Variants in ATXN1 observed in about 807,000 individuals in gnomAD.
ATXN1 encodes the protein ataxin-1.
A neutral mutation model predicts 56.4 loss-of-function variants in ATXN1; 8 were observed. The observed-to-expected ratio is 0.14, with a 90% confidence interval of 0.08 to 0.26. The LOEUF (loss-of-function observed/expected upper bound fraction) is 0.26. Ranked by LOEUF, ATXN1 falls within the 10% of genes least tolerant of loss-of-function variation. ATXN1 has a pLI of 1.00. For missense variants in ATXN1, 987 were observed against 1,106.5 expected, an observed-to-expected ratio of 0.89 and a Z score of 1.53; for synonymous variants, 514 against 494.6, an observed-to-expected ratio of 1.04 and a Z score of -0.52.
chr6:16,453,891 A>G (rs569040125), intron 6 of ATXN1, among the ~76,000 whole-genome samples: 8 of 152,288 alleles, frequency 5.3e-5, no homozygotes, highest in African/African-American at 1.9e-4. Flanking sequence ...TTGTAATCCC[A>G]GCACTTTGGG....
chr6:16,718,451 T>G (rs1759681441), intron 2 of ATXN1, among the ~76,000 whole-genome samples: 1 of 152,228 alleles, frequency 6.6e-6, no homozygotes, highest in African/African-American at 2.4e-5. Context: ...ATAATTCATT[T>G]TTCTCCTTCT....
In ATXN1 at chr6:16,489,562, G is replaced by A. The variant is rs150208444; in HGVS notation, c.-298-3453C>T. Reference sequence around the variant, plus strand: ...GCAGCTTACATCACTAGCTCTCATAGCTTCTCAAAGCCACTATTAAGGAAA... The same window carrying A: ...GCAGCTTACATCACTAGCTCTCATAACTTCTCAAAGCCACTATTAAGGAAA... On this transcript the variant is annotated intron_variant, in intron 5 of 7. Coordinates refer to ENST00000436367, the MANE Select transcript of ATXN1 (RefSeq NM_001128164.2). 2.8e-3 allele frequency among the ~76,000 whole-genome samples: 430 copies of A among 152,272 alleles called. 2 individuals carry two copies. Among genetic ancestry groups the A allele is most frequent in the African/African-American group, 9.0e-3 (375 of 41,540 alleles).
intron 6 of ATXN1, among the ~76,000 whole-genome samples, chr6:16,347,336 T>C (rs1481806748): frequency 6.6e-6 from 1 of 152,228 alleles, no homozygotes; most frequent in Non-Finnish European, 1.5e-5. Context: ...TATGTCTAGC[T>C]AAGGGATTTT....
intron 3 of ATXN1, among the ~76,000 whole-genome samples, chr6:16,611,608 A>G (rs1763107137): frequency 6.6e-6 from 1 of 152,196 alleles, no homozygotes; most frequent in South Asian, 2.1e-4. Flanking sequence ...GAAACTGCAC[A>G]TTTAGAAGTG....
At chr6:16,717,590 C>T (rs1581390645) in intron 2 of ATXN1, among the ~76,000 whole-genome samples, 1 of 152,320 alleles carries the variant, frequency 6.6e-6, no homozygotes, top group East Asian at 1.9e-4. Flanking sequence ...TGCAGCTTAA[C>T]ACAGAGAGAG....
At chr6:16,550,826 T>C (rs1453117258) in intron 4 of ATXN1, among the ~76,000 whole-genome samples, 1 of 152,226 alleles carries the variant, frequency 6.6e-6, no homozygotes, top group East Asian at 1.9e-4. Flanking sequence ...AGCAATAATA[T>C]CACCTCATGT....
chr6:16,454,503 C>T (rs1759827344), intron 6 of ATXN1, among the ~76,000 whole-genome samples: 1 of 152,124 alleles, frequency 6.6e-6, no homozygotes, highest in African/African-American at 2.4e-5. Context: ...TACCTGTAGC[C>T]CATTTGTAAC....
intron 6 of ATXN1, among the ~76,000 whole-genome samples, chr6:16,337,986 T>C (rs967284967): frequency 6.6e-6 from 1 of 152,208 alleles, no homozygotes; most frequent in African/African-American, 2.4e-5. Context: ...CACTACCCGA[T>C]GCATGAAGCA....
chr6:16,424,841 A>G (rs1759116892), intron 6 of ATXN1, among the ~76,000 whole-genome samples: 1 of 152,160 alleles, frequency 6.6e-6, no homozygotes, highest in African/African-American at 2.4e-5. Context: ...CTTCAGGAAG[A>G]CTCAGAACAG....
intron 4 of ATXN1, among the ~76,000 whole-genome samples, chr6:16,549,630 G>C (rs990062018): frequency 6.6e-6 from 1 of 152,162 alleles, no homozygotes; most frequent in Non-Finnish European, 1.5e-5. Context: ...AGGTGCAGCG[G>C]CTTACGCCTG....
At chr6:16,340,667 T>A (rs575602774) in intron 6 of ATXN1, among the ~76,000 whole-genome samples, 72 of 152,328 alleles carry the variant, frequency 4.7e-4, no homozygotes, top group Non-Finnish European at 5.0e-4. Flanking sequence ...CTCTCTAACG[T>A]TGTAGTTGGT....
intron 3 of ATXN1, among the ~76,000 whole-genome samples, chr6:16,632,997 C>CA (rs11289596): frequency 5.1e-4 from 64 of 125,908 alleles, no homozygotes; most frequent in South Asian, 7.7e-4. Context: ...AACTCCGCCT[C>CA]AAAAAAAAAA....
chr6:16,347,089 G>A (rs1202876391), intron 6 of ATXN1, among the ~76,000 whole-genome samples: 1 of 152,348 alleles, frequency 6.6e-6, no homozygotes, highest in South Asian at 2.1e-4. Context: ...GCAGGGCTCG[G>A]GACCTGCAGC....
chr6:16,587,262 G>T (rs72825535), intron 3 of ATXN1, among the ~76,000 whole-genome samples: 22 of 152,056 alleles, frequency 1.4e-4, no homozygotes, highest in Non-Finnish European at 2.9e-4. Context: ...TAAAATCCAC[G>T]TCCTGCCTAA....
rs1421931750 is a variant in ATXN1 at position 16,760,831 on chromosome 6, C to T, written c.-730+467G>A. 1.3e-5 allele frequency among the ~76,000 whole-genome samples: 2 copies of T among 151,052 alleles called. No individual in the cohort carries two copies. The highest frequency in any genetic ancestry group is 6.6e-5 in the Admixed American group (1 of 15,206). On this transcript the variant is annotated intron_variant, in intron 1 of 7. Coordinates refer to ENST00000436367, the MANE Select transcript of ATXN1 (RefSeq NM_001128164.2). The surrounding 1 kb of genome is among the most constrained non-coding windows in gnomAD (Gnocchi z 5.3). ...CCCAACCCCAGCCGCCGCCTCCCCCCTGCGCCACCCGGAGGGAGGAGGACA... is the reference window on the plus strand; with the variant it reads ...CCCAACCCCAGCCGCCGCCTCCCCCTTGCGCCACCCGGAGGGAGGAGGACA...
chr6:16,466,274 C>T (rs1037350372), intron 6 of ATXN1, among the ~76,000 whole-genome samples: 55 of 138,672 alleles, frequency 4.0e-4, no homozygotes, highest in South Asian at 2.3e-4. Context: ...GCCGAGATTG[C>T]GCCACTGCAC....
At chr6:16,579,496 C>CACT (rs1219253345) in intron 4 of ATXN1, among the ~76,000 whole-genome samples, 1 of 91,122 alleles carries the variant, frequency 1.1e-5, no homozygotes, top group African/African-American at 3.0e-5. Flanking sequence ...CCCCCCCACC[C>CACT]GCCGATTCAT....
intron 5 of ATXN1, among the ~76,000 whole-genome samples, chr6:16,504,993 C>CTTTTTTTTT (rs34197922): frequency 3.6e-4 from 49 of 135,290 alleles, no homozygotes; most frequent in African/African-American, 1.4e-3. Flanking sequence ...CTCCTGTTTC[C>CTTTTTTTTT]TTTTTTTTTT....
intron 3 of ATXN1, among the ~76,000 whole-genome samples, chr6:16,640,499 T>C (rs181006001): frequency 6.6e-5 from 10 of 152,180 alleles, no homozygotes; most frequent in East Asian, 5.8e-4. Context: ...CTGGCTAACA[T>C]GGTGAAACTC....
Sources: allele counts gnomAD v4.1 joint callset (sites outside exome capture counted in the v4.1 genomes callset), GRCh38; gene constraint gnomAD v4.1.1; non-coding constraint Gnocchi (gnomAD v3.1); transcripts MANE v1.5; gene names NCBI Gene and HGNC (gene_info 2026-07-23, HGNC 2026-07-21).